The following BIVM variants were observed in gnomAD, a reference collection of about 807,000 sequenced individuals.
BIVM encodes basic, immunoglobulin-like variable motif containing.
BIVM carries 31 observed loss-of-function variants against 61.4 expected under a neutral mutation model. That is an observed-to-expected ratio of 0.51 (90% CI 0.38 to 0.68). The LOEUF is 0.68. Among genes scored for constraint, BIVM ranks in the 30% least tolerant of loss-of-function variants. The pLI is 0.00. For missense variants in BIVM, 526 were observed against 596.0 expected, an observed-to-expected ratio of 0.88 and a Z score of 1.22; for synonymous variants, 189 against 210.7, an observed-to-expected ratio of 0.90 and a Z score of 0.89.
chr13:102,838,622 A>G, intron 9 of BIVM, 21 bp from the exon 10 acceptor site: 1 of 1,588,744 alleles, frequency 6.3e-7, no homozygotes, highest in Non-Finnish European at 8.5e-7. Flanking sequence ...ATTGTGCTTT[A>G]TCCTTTCTTC....
chr13:102,826,235 T>C (rs1295984306), intron 7 of BIVM, among the ~76,000 whole-genome samples: 14 of 152,142 alleles, frequency 9.2e-5, no homozygotes, highest in Admixed American at 9.2e-4. Context: ...GGCTCCTACC[T>C]GCTCTCCCCT....
Position 102,815,044 on chromosome 13 carries a change from A to AAAAC in BIVM, c.479-1360_479-1357dup, listed in dbSNP as rs371478448. On this transcript the variant is annotated intron_variant, in intron 3 of 10. Coordinates refer to ENST00000257336, the MANE Select transcript of BIVM (RefSeq NM_017693.4). ...GGGCAACAAAGCAAGACCTTGTCTC[A>AAAAC]AAACAAACAAACAAACAAACAAACA... Among the ~76,000 whole-genome samples the AAAAC allele has an allele frequency of 8.8e-3, 1,337 of 152,078 alleles. 21 individuals are homozygous for AAAAC. The highest frequency in any genetic ancestry group is 0.028 in the African/African-American group (1,152 of 41,440).
chr13:102,808,934 A>T (rs541706287), intron 3 of BIVM, among the ~76,000 whole-genome samples: 8 of 152,162 alleles, frequency 5.3e-5, no homozygotes, highest in African/African-American at 1.4e-4. Context: ...TATTTTTTTT[A>T]AAACTGATCA....
chr13:102,836,762 T>C (rs181882651), intron 9 of BIVM, among the ~76,000 whole-genome samples: 1 of 152,348 alleles, frequency 6.6e-6, no homozygotes, highest in Non-Finnish European at 1.5e-5. Context: ...ACTGTATGTG[T>C]GGGCTGTTTC....
At chr13:102,801,969 G>A (rs9518840) in intron 1 of BIVM, among the ~76,000 whole-genome samples, 40,177 of 152,006 alleles carry the variant, frequency 0.26, 5,545 homozygotes, top group Admixed American at 0.35. Flanking sequence ...AGCTTGGGGG[G>A]TGGGGGAAAG....
chr13:102,799,658 T>G (rs1248361362), intron 1 of BIVM, 137 bp downstream of exon 1: 1 of 152,182 alleles, frequency 6.6e-6, no homozygotes, highest in Non-Finnish European at 1.5e-5. Context: ...CATTCAAAAT[T>G]TTTACTTAAT....
chr13:102,816,618 A>G (rs1206196646), intron 4 of BIVM, 64 bp downstream of exon 4: 15 of 1,363,608 alleles, frequency 1.1e-5, no homozygotes, highest in African/African-American at 3.0e-5. Context: ...GCAATAACGT[A>G]GCAGTTTACA....
chr13:102,821,329 C>T (rs1043676572), intron 5 of BIVM, among the ~76,000 whole-genome samples, 197 bp downstream of exon 5: 4 of 152,122 alleles, frequency 2.6e-5, no homozygotes, highest in East Asian at 3.9e-4. Context: ...TACAGTGGCC[C>T]ACACTTGTAA....
intron 9 of BIVM, among the ~76,000 whole-genome samples, chr13:102,837,243 A>G (rs529644860): frequency 6.6e-6 from 1 of 152,178 alleles, no homozygotes; most frequent in East Asian, 1.9e-4. Flanking sequence ...GCACCACTGC[A>G]CTCCTCCCTA....
chr13:102,824,181 A>G (rs1373199777), intron 7 of BIVM, among the ~76,000 whole-genome samples: 1 of 152,202 alleles, frequency 6.6e-6, no homozygotes, highest in East Asian at 1.9e-4. Flanking sequence ...AACTGAATAC[A>G]TAGCAGTTCA....
intron 7 of BIVM, among the ~76,000 whole-genome samples, chr13:102,824,274 C>T (rs1339980411): frequency 6.6e-6 from 1 of 152,114 alleles, no homozygotes; most frequent in African/African-American, 2.4e-5. Flanking sequence ...AGTTCCTGCC[C>T]CTCTCTCAGG....
At chr13:102,832,467 G>T (rs569302864) in intron 8 of BIVM, among the ~76,000 whole-genome samples, 18 of 152,194 alleles carry the variant, frequency 1.2e-4, no homozygotes, top group Non-Finnish European at 2.1e-4. Context: ...CTCCCAAAGT[G>T]CTGGGATTAC....
chr13:102,833,682 C>G (rs956141865), intron 8 of BIVM, among the ~76,000 whole-genome samples: 22 of 152,088 alleles, frequency 1.4e-4, no homozygotes, highest in Admixed American at 1.4e-3. Context: ...AAAGGCCCCT[C>G]GGGTTTGGGG....
rs756912460 is a variant in BIVM at position 102,834,561 on chromosome 13, A to T, written c.1121+9A>T. The T allele has an allele frequency of 1.3e-6, 2 of 1,571,400 alleles. No homozygotes were observed. The highest frequency in any genetic ancestry group is 1.7e-6 in the Non-Finnish European group (2 of 1,166,230). ...GCCATTCACTGTAAAAAGTATGTTA[A>T]CTTCCCTTTATTTTCTTTAATTGAG... On this transcript the variant is annotated intron_variant, in intron 9 of 10. Coordinates refer to ENST00000257336, the MANE Select transcript of BIVM (RefSeq NM_017693.4).
At position 102,822,068 on chromosome 13, in the gene BIVM, G is replaced by T. The variant is rs1490205750; in HGVS notation, c.810G>T (p.Trp270Cys). ...CAAATCTTCTTGTTACTTTCAGGTG[G>T]TTTAGACAAATTAATGACCACTTCC... ...PFTGNTTLMRWFRQINDHFHV... is the reference protein window; with the variant it reads ...PFTGNTTLMRCFRQINDHFHV... Residue 270 changes from tryptophan to cysteine, a missense_variant, in exon 7 of 11, where the codon TGG (tryptophan) becomes TGT (cysteine). Around this residue, in one of 3 missense-constraint regions of BIVM, gnomAD observed 312 missense variants for 343.8 expected, o/e 0.91. Coordinates refer to ENST00000257336, the MANE Select transcript of BIVM (RefSeq NM_017693.4). The T allele has an allele frequency of 6.2e-7, 1 of 1,613,750 alleles. No individual in the cohort carries two copies.
chr13:102,820,079 G>A (rs951392336), intron 4 of BIVM, among the ~76,000 whole-genome samples: 1 of 152,166 alleles, frequency 6.6e-6, no homozygotes, highest in Non-Finnish European at 1.5e-5. Context: ...CATTTGGCCA[G>A]GTGCAGTGGC....
chr13:102,820,756 C>A (rs773401478), intron 4 of BIVM: 17 of 319,940 alleles, frequency 5.3e-5, no homozygotes, highest in Non-Finnish European at 9.1e-5. Flanking sequence ...TTACACCAAA[C>A]TTTTAATAGG....
At chr13:102,832,295 A>ATT (rs1459133744) in intron 8 of BIVM, among the ~76,000 whole-genome samples, 5 of 152,038 alleles carry the variant, frequency 3.3e-5, no homozygotes, top group African/African-American at 9.7e-5. Context: ...GCCTCAAGCA[A>ATT]TCCTTCTACC....
rs1571067 is a variant in BIVM, at chr13:102,841,137, T to C, written c.*1272T>C. 150,036 of 152,684 alleles carry C rather than the reference T, an allele frequency of 0.98. 73,775 individuals carry two copies. Among genetic ancestry groups the C allele is most frequent in the East Asian group, 1 (5,176 of 5,176 alleles). The allele number at this position is 152,684 out of a possible 1,614,324, so 9.5% of individuals were successfully genotyped here. On this transcript the variant is annotated 3_prime_UTR_variant, in exon 11 of 11. Coordinates refer to ENST00000257336, the MANE Select transcript of BIVM (RefSeq NM_017693.4). ...GTATTTGAGCTCCTCTAGTTGCTGT[T>C]GGTTTTTCTTCTGCTGCCAACCTGT...
Sources: allele counts gnomAD v4.1 joint callset (sites outside exome capture counted in the v4.1 genomes callset), GRCh38; gene constraint gnomAD v4.1.1; regional missense constraint gnomAD v4.1.1; transcripts MANE v1.5; gene names NCBI Gene and HGNC (gene_info 2026-07-23, HGNC 2026-07-21).